The following TRIM33 variants were observed in gnomAD, a reference collection of about 807,000 sequenced individuals.
TRIM33 encodes E3 ubiquitin-protein ligase TRIM33.
Under a neutral mutation model 125.4 loss-of-function variants are expected in TRIM33, and 20 were observed. The observed-to-expected ratio is 0.16, with a 90% CI of 0.11 to 0.23. The LOEUF (loss-of-function observed/expected upper bound fraction) is 0.23, where lower values mean the gene tolerates loss of function less well. Ranked by LOEUF, TRIM33 falls within the 10% of genes least tolerant of loss-of-function variation. The probability of loss-of-function intolerance (pLI) is 1.00; values close to 1 mark genes in which losing one functional copy is unlikely to be tolerated. For missense variants in TRIM33, 920 were observed against 1,411.4 expected (o/e 0.65, Z 5.58); for synonymous variants, 564 against 513.9 (o/e 1.10, Z -1.32).
intron 15 of TRIM33, chr1:114,405,175 T>C: frequency 2.3e-6 from 1 of 426,164 alleles, no homozygotes; most frequent in Non-Finnish European, 4.1e-6. Flanking sequence ...TTCCTTATAC[T>C]GAATATAAAC....
At chr1:114,438,103 C>T (rs919450906) in intron 4 of TRIM33, among the ~76,000 whole-genome samples, 1 of 152,126 alleles carries the variant, frequency 6.6e-6, no homozygotes, top group African/African-American at 2.4e-5. Flanking sequence ...CTGAGAATCA[C>T]TTAGCTAATA....
intron 4 of TRIM33, among the ~76,000 whole-genome samples, chr1:114,462,805 AG>A (rs1340583326): frequency 6.6e-6 from 1 of 152,200 alleles, no homozygotes; most frequent in Non-Finnish European, 1.5e-5. Context: ...TAGGACACCA[AG>A]AAAAAGCTTA....
chr1:114,410,570 G>A (rs1265269421), intron 11 of TRIM33, among the ~76,000 whole-genome samples: 1 of 152,146 alleles, frequency 6.6e-6, no homozygotes, highest in Non-Finnish European at 1.5e-5. Context: ...TATGAAAATA[G>A]CTGACATGCT....
chr1:114,397,446 TTC>T lies in TRIM33; in HGVS notation c.*200_*201del. On this transcript the variant is annotated 3_prime_UTR_variant, in exon 20 of 20. Coordinates refer to ENST00000358465, the MANE Select transcript of TRIM33 (RefSeq NM_015906.4). ...TTTGCTTTGAAACTTGCAAACAGAC[TTC>T]TCTCCCCCTTTCTTGACAAGAATGT... 1.8e-6 allele frequency: 1 copy of T among 555,932 alleles called. No individual in the cohort carries two copies. Among genetic ancestry groups the T allele is most frequent in the Non-Finnish European group, 3.2e-6 (1 of 315,788 alleles). The allele number at this position is 555,932 out of a possible 1,614,324, so 34.4% of individuals were successfully genotyped here.
chr1:114,487,113 AAAT>A (rs1460709920), intron 1 of TRIM33, among the ~76,000 whole-genome samples: 4 of 151,920 alleles, frequency 2.6e-5, no homozygotes, highest in Non-Finnish European at 2.9e-5. Context: ...TTACTTGAAC[AAAT>A]AATGACTGAA....
At position 114,421,509 on chromosome 1, in the gene TRIM33, G is replaced by A; in HGVS notation, c.1988C>T (p.Thr663Ile). The part of the protein sequence containing the change: ...ANRGPTSPSV[T>I]AIELIPSVTN... ...AACTGAGGGGATTAGCTCTATTGCT[G>A]TAACAGATGGGCTGGTGGGACCTCG... The change falls in exon 11 of 20, where the codon ACA becomes ATA. Residue 663 changes from threonine to isoleucine, a missense_variant. Coordinates refer to ENST00000358465, the MANE Select transcript of TRIM33 (RefSeq NM_015906.4). 3 of 1,614,146 alleles carry A rather than the reference G, an allele frequency of 1.9e-6. No individual in the cohort carries two copies. The highest frequency in any genetic ancestry group is 1.1e-5 in the South Asian group (1 of 91,082).
At chr1:114,425,052 T>C (rs895731554) in intron 9 of TRIM33, among the ~76,000 whole-genome samples, 1 of 152,100 alleles carries the variant, frequency 6.6e-6, no homozygotes, top group African/African-American at 2.4e-5. Context: ...TAGTTTTGAT[T>C]GGGATGGCAG....
chr1:114,438,706 C>T (rs563186636), intron 4 of TRIM33, among the ~76,000 whole-genome samples: 2 of 152,270 alleles, frequency 1.3e-5, no homozygotes, highest in South Asian at 4.1e-4. Flanking sequence ...AAATACAGAA[C>T]AATCATCATA....
chr1:114,401,067 C>T (rs796130776), intron 17 of TRIM33, among the ~76,000 whole-genome samples: 4 of 147,648 alleles, frequency 2.7e-5, no homozygotes, highest in African/African-American at 7.5e-5. Context: ...GACGGAGTCT[C>T]GCTCTGTCGC....
chr1:114,474,049 C>T (rs1650821960), intron 1 of TRIM33, among the ~76,000 whole-genome samples: 1 of 151,890 alleles, frequency 6.6e-6, no homozygotes, highest in Non-Finnish European at 1.5e-5. Context: ...CGGGCATACA[C>T]CATCACACTC....
intron 1 of TRIM33, among the ~76,000 whole-genome samples, chr1:114,475,207 T>C (rs1411304995): frequency 6.6e-6 from 1 of 152,176 alleles, no homozygotes; most frequent in Non-Finnish European, 1.5e-5. Context: ...TGTAACTGAA[T>C]TCCCAGAAGA....
intron 1 of TRIM33, among the ~76,000 whole-genome samples, chr1:114,493,427 T>G (rs1169822003): frequency 6.6e-6 from 1 of 152,198 alleles, no homozygotes; most frequent in Non-Finnish European, 1.5e-5. Flanking sequence ...TAGTTGCTCA[T>G]GCTTTATTTA....
At chr1:114,491,619 A>G (rs1408863189) in intron 1 of TRIM33, among the ~76,000 whole-genome samples, 2 of 152,134 alleles carry the variant, frequency 1.3e-5, no homozygotes, top group Admixed American at 6.5e-5. Flanking sequence ...CCTGGGCAAC[A>G]TGGTGAAACC....
chr1:114,467,441 G>A (rs543333175), intron 1 of TRIM33, among the ~76,000 whole-genome samples: 45 of 152,234 alleles, frequency 3.0e-4, no homozygotes, highest in Admixed American at 5.9e-4. Flanking sequence ...TGTGGAGGGA[G>A]CTACCAGCAT....
chr1:114,499,587 T>C (rs1652588133), intron 1 of TRIM33, among the ~76,000 whole-genome samples: 1 of 152,018 alleles, frequency 6.6e-6, no homozygotes, highest in South Asian at 2.1e-4. Flanking sequence ...CATCTGACAA[T>C]ACTAAGATAT....
At chr1:114,449,519 T>C (rs1041166421) in intron 4 of TRIM33, among the ~76,000 whole-genome samples, 1 of 152,128 alleles carries the variant, frequency 6.6e-6, no homozygotes, top group Non-Finnish European at 1.5e-5. Flanking sequence ...CTGATAATGA[T>C]GGAGAGGCTG....
At chr1:114,427,059 C>A in intron 8 of TRIM33, 118 bp downstream of exon 8, 1 of 523,312 alleles carries the variant, frequency 1.9e-6, no homozygotes, top group South Asian at 3.3e-5. Context: ...CATATTTTTA[C>A]ATAAAATGTA....
At chr1:114,495,016 C>T (rs891439464) in intron 1 of TRIM33, among the ~76,000 whole-genome samples, 6 of 152,076 alleles carry the variant, frequency 3.9e-5, no homozygotes, top group African/African-American at 1.4e-4. Flanking sequence ...CAGGTTCAAG[C>T]GATTATCGTG....
intron 4 of TRIM33, among the ~76,000 whole-genome samples, chr1:114,458,165 A>AACC (rs1228667142): frequency 6.6e-6 from 1 of 152,180 alleles, no homozygotes; most frequent in Non-Finnish European, 1.5e-5. Context: ...CAGGGACTGA[A>AACC]ACCACCTTTG....
Sources: allele counts gnomAD v4.1 joint callset (sites outside exome capture counted in the v4.1 genomes callset), GRCh38; gene constraint gnomAD v4.1.1; transcripts MANE v1.5; gene names NCBI Gene and HGNC (gene_info 2026-07-23, HGNC 2026-07-21).